PCDHGB2: variants seen among roughly 807,000 people sequenced by gnomAD.
The protein encoded by PCDHGB2 is protocadherin gamma subfamily B, 2.
Under a neutral mutation model 59.3 loss-of-function variants are expected in PCDHGB2, and 55 were observed. The ratio of observed to expected loss-of-function variants is 0.93; its 90% confidence interval spans 0.75 to 1.16. The LOEUF is 1.16. Ranked by LOEUF, PCDHGB2 falls within the 50% of genes most tolerant of loss-of-function variation. The pLI, the probability that PCDHGB2 is intolerant of heterozygous loss-of-function variation, is 0.00. For synonymous variants in PCDHGB2, 516 were observed against 512.0 expected, an observed-to-expected ratio of 1.01 and a Z score of -0.11; for missense variants, 1,228 against 1,198.5, an observed-to-expected ratio of 1.02 and a Z score of -0.36.
At chr5:141,502,542 A>G (rs2099814957) in intron 2 of PCDHGB2, among the ~76,000 whole-genome samples, 1 of 152,216 alleles carries the variant, frequency 6.6e-6, no homozygotes, top group Admixed American at 6.5e-5. Context: ...TTCGTGTGGT[A>G]AAAACAGTGT....
chr5:141,361,403 C>T lies in PCDHGB2; in HGVS notation c.1268C>T (p.Thr423Ile), dbSNP rs376882541. The T allele has an allele frequency of 6.2e-7, 1 of 1,614,050 alleles. No homozygotes were observed. Among genetic ancestry groups the T allele is most frequent in the Non-Finnish European group, 8.5e-7 (1 of 1,179,902 alleles). Residue 423 changes from threonine (T) to isoleucine (I), a missense_variant, in exon 1 of 4, where the codon ACA becomes ATA. Coordinates refer to ENST00000522605, the MANE Select transcript of PCDHGB2 (RefSeq NM_018923.3). Reference sequence around the variant, plus strand: ...ATCCCAGAATACAATCTCACCATCACAGCCACCGACGGGGGCAAGCCGCCC... The same window carrying T: ...ATCCCAGAATACAATCTCACCATCATAGCCACCGACGGGGGCAAGCCGCCC... ...EEIPEYNLTITATDGGKPPLS... is the reference protein window; with the variant it reads ...EEIPEYNLTIIATDGGKPPLS...
intron 1 of PCDHGB2, chr5:141,399,376 A>G: frequency 6.2e-7 from 1 of 1,613,956 alleles, no homozygotes; most frequent in Non-Finnish European, 8.5e-7. Flanking sequence ...GTACAATGTC[A>G]CCATCACAGC....
intron 1 of PCDHGB2, chr5:141,388,479 C>T (rs1345463224): frequency 4.3e-6 from 7 of 1,613,652 alleles, no homozygotes; most frequent in Non-Finnish European, 1.7e-6. Flanking sequence ...ATTGAAGACA[C>T]CTTTGGACAG....
At chr5:141,371,919 G>A (rs765232758) in intron 1 of PCDHGB2, 2 of 1,613,372 alleles carry the variant, frequency 1.2e-6, no homozygotes, top group East Asian at 2.2e-5. Flanking sequence ...GTCCGTGAGC[G>A]CGCGGAGCGG....
chr5:141,410,528 A>G (rs1464482105), intron 1 of PCDHGB2: 3 of 1,613,852 alleles, frequency 1.9e-6, no homozygotes, highest in Non-Finnish European at 2.5e-6. Flanking sequence ...CCTACATTCC[A>G]ATGAAGACAT....
intron 1 of PCDHGB2, among the ~76,000 whole-genome samples, chr5:141,380,672 T>C (rs1401105927): frequency 1.3e-5 from 2 of 152,212 alleles, no homozygotes; most frequent in Non-Finnish European, 1.5e-5. Context: ...CTCCATAGGG[T>C]ATGTATGCTT....
At chr5:141,494,362 A>T (rs527454959) in intron 1 of PCDHGB2, among the ~76,000 whole-genome samples, 47 of 152,300 alleles carry the variant, frequency 3.1e-4, no homozygotes, top group Admixed American at 8.5e-4. Context: ...GCTGCAGAGG[A>T]TGCTTTGTTC....
chr5:141,374,846 C>G, intron 1 of PCDHGB2: 1 of 1,613,842 alleles, frequency 6.2e-7, no homozygotes, highest in Non-Finnish European at 8.5e-7. Context: ...TCCTGAAAAC[C>G]TGCCAGTAGG....
In PCDHGB2 at chr5:141,360,965, T is replaced by A. The variant is rs780001160; in HGVS notation, c.830T>A (p.Ile277Asn). Residue 277 changes from isoleucine to asparagine, a missense_variant, in exon 1 of 4, where the codon ATC becomes AAC. This residue lies in a region of PCDHGB2 where 781 missense variants were observed against 721.6 expected (regional missense o/e 1.08). Transcript: ENST00000522605. ...CGGGATGAAGGCATAAACGCAGAGA[T>A]CACCTACTCCTTTCATAATGTGGAC... ...TDRDEGINAE[I>N]TYSFHNVDEQ... 1 of 1,613,786 alleles carries A rather than the reference T, an allele frequency of 6.2e-7. No homozygotes were observed. Among genetic ancestry groups the A allele is most frequent in the Admixed American group, 1.7e-5 (1 of 59,990 alleles).
intron 1 of PCDHGB2, among the ~76,000 whole-genome samples, chr5:141,459,312 G>A (rs968359414): frequency 6.6e-6 from 1 of 152,084 alleles, no homozygotes; most frequent in African/African-American, 2.4e-5. Flanking sequence ...ATACTATTTT[G>A]TATCCATCTT....
chr5:141,448,204 C>G (rs757249025), intron 1 of PCDHGB2, among the ~76,000 whole-genome samples: 28 of 152,124 alleles, frequency 1.8e-4, no homozygotes, highest in South Asian at 4.1e-4. Flanking sequence ...CAAACATTTT[C>G]TGTGTGTATG....
chr5:141,489,178 C>T lies in PCDHGB2; in HGVS notation c.2422-5629C>T, dbSNP rs909255357. ...GAGACTTCAGCTGCTGCATTCCAAG[C>T]CCTGGGTCTACCTTGGAGACAGGAC... On this transcript the variant is annotated intron_variant, in intron 1 of 3. Transcript: ENST00000522605. This position sits in a 1 kb window ranked among gnomAD's most constrained non-coding sequence, Gnocchi z 4.5. 54 of 1,234,872 alleles carry T rather than the reference C, an allele frequency of 4.4e-5. 1 individual carries two copies. In the East Asian group the frequency reaches 1.2e-3, roughly 29 times the overall value. 76.5% of individuals were successfully genotyped at this position (1,234,872 alleles called of 1,614,324 possible). A position where few individuals can be genotyped will look rare whatever the true frequency, so the allele number is the denominator to read the frequency against.
intron 1 of PCDHGB2, chr5:141,424,024 C>T: frequency 9.6e-7 from 1 of 1,045,488 alleles, no homozygotes; most frequent in Non-Finnish European, 1.2e-6. Flanking sequence ...GATTCACAAA[C>T]ACTTTTTATT....
chr5:141,505,284 G>A, intron 2 of PCDHGB2, 109 bp from the exon 3 acceptor site: 1 of 1,548,402 alleles, frequency 6.5e-7, no homozygotes. Flanking sequence ...CAGGTCTTGG[G>A]CATGGGGTAG....
chr5:141,360,053 A>G lies in PCDHGB2; in HGVS notation c.-83A>G. 1 of 1,439,336 alleles carries G rather than the reference A, an allele frequency of 6.9e-7. No homozygotes were observed. The highest frequency in any genetic ancestry group is 9.2e-7 in the Non-Finnish European group (1 of 1,088,804). 89.2% of individuals were successfully genotyped at this position (1,439,336 alleles called of 1,614,324 possible). A position where few individuals can be genotyped will look rare whatever the true frequency, so the allele number is the denominator to read the frequency against. ...AGATTCGGAAACAGAAAACAAAAGC[A>G]GGAAAAGTGACCTTAGCCCGGATTC... On this transcript the variant is annotated 5_prime_UTR_variant, in exon 1 of 4. Coordinates refer to ENST00000522605, the MANE Select transcript of PCDHGB2 (RefSeq NM_018923.3).
intron 1 of PCDHGB2, chr5:141,399,892 G>T: frequency 1.2e-6 from 2 of 1,612,554 alleles, no homozygotes; most frequent in Non-Finnish European, 1.7e-6. Flanking sequence ...CAAGGTAGTG[G>T]CCGTGGACGC....
At chr5:141,502,274 A>G (rs573517581) in intron 2 of PCDHGB2, among the ~76,000 whole-genome samples, 18 of 152,128 alleles carry the variant, frequency 1.2e-4, no homozygotes, top group African/African-American at 4.1e-4. Context: ...ATCAAGGAGC[A>G]TAGATTGCAT....
At chr5:141,370,928 C>T in intron 1 of PCDHGB2, 1 of 1,613,992 alleles carries the variant, frequency 6.2e-7, no homozygotes, top group Non-Finnish European at 8.5e-7. Context: ...ATCCGCACTT[C>T]TCTTTGATTC....
rs144490159 is a variant in PCDHGB2, at chr5:141,418,260, G to A, written c.2421+55704G>A. The A allele has an allele frequency of 5.0e-3, 7,995 of 1,614,000 alleles. 44 individuals carry two copies. Among genetic ancestry groups the A allele is most frequent in the Admixed American group, 9.4e-3 (566 of 60,026 alleles). ...GTTAATGACCACGCCCCTCAATTCCGGAAAGATGAAATAAACTTAGAAATC... is the reference window on the plus strand; with the variant it reads ...GTTAATGACCACGCCCCTCAATTCCAGAAAGATGAAATAAACTTAGAAATC... On this transcript the variant is annotated intron_variant, in intron 1 of 3. Coordinates refer to ENST00000522605, the MANE Select transcript of PCDHGB2 (RefSeq NM_018923.3).
Sources: gnomAD v4.1 joint callset for allele counts (sites outside exome capture counted in the v4.1 genomes callset) on GRCh38, gnomAD v4.1.1 for gene constraint, gnomAD v4.1.1 regional missense constraint, Gnocchi (gnomAD v3.1) non-coding constraint, MANE v1.5 for transcripts, NCBI Gene and HGNC (gene_info 2026-07-23, HGNC 2026-07-21) for gene names.